Variants in GLCCI1 observed in about 807,000 individuals in gnomAD.
GLCCI1 encodes the protein glucocorticoid induced 1, also known as glucocorticoid-induced transcript 1 protein.
In GLCCI1, 24 loss-of-function variants were observed where a neutral mutation model predicts 52.2. That is an observed-to-expected ratio of 0.46 (90% CI 0.33 to 0.65). The LOEUF is 0.65. Ranked by LOEUF, GLCCI1 falls within the 30% of genes least tolerant of loss-of-function variation. GLCCI1 has a pLI of 0.02. For missense variants in GLCCI1, 704 were observed against 701.5 expected, an observed-to-expected ratio of 1.00 and a Z score of -0.04; for synonymous variants, 310 against 276.5, an observed-to-expected ratio of 1.12 and a Z score of -1.20.
At chr7:7,977,341 C>G (rs1780513313) in intron 1 of GLCCI1, among the ~76,000 whole-genome samples, 1 of 152,182 alleles carries the variant, frequency 6.6e-6, no homozygotes, top group South Asian at 2.1e-4. Flanking sequence ...ATAACTGATT[C>G]TATAAATTTG....
At chr7:8,055,314 T>C (rs770950613) in intron 3 of GLCCI1, 119 bp from the exon 4 acceptor site, 19 of 520,768 alleles carry the variant, frequency 3.6e-5, no homozygotes, top group Non-Finnish European at 5.0e-5. Flanking sequence ...TGGTGAAATA[T>C]TGTCTCTTCT....
At chr7:7,981,822 C>A in intron 1 of GLCCI1, 1 of 422,868 alleles carries the variant, frequency 2.4e-6, no homozygotes, top group Non-Finnish European at 4.7e-6. Flanking sequence ...ATAAAGTAAG[C>A]CCAAATAGGA....
chr7:7,975,774 A>ATG (rs941834282), intron 1 of GLCCI1, among the ~76,000 whole-genome samples: 4 of 152,210 alleles, frequency 2.6e-5, no homozygotes, highest in South Asian at 2.1e-4. Flanking sequence ...GACAGAGAGA[A>ATG]TGTGTGTGTG....
At chr7:8,022,685 G>A in intron 3 of GLCCI1, 116 bp downstream of exon 3, 1 of 445,092 alleles carries the variant, frequency 2.2e-6, no homozygotes, top group Non-Finnish European at 3.8e-6. Context: ...CTTTCAGTAA[G>A]GTTAGGACAA....
intron 1 of GLCCI1, among the ~76,000 whole-genome samples, chr7:7,982,489 T>G (rs1464982454): frequency 1.3e-5 from 2 of 152,166 alleles, no homozygotes; most frequent in Non-Finnish European, 2.9e-5. Context: ...ATTTTTACTC[T>G]TCTTTTAAAA....
intron 2 of GLCCI1, among the ~76,000 whole-genome samples, chr7:8,006,293 G>A (rs989149514): frequency 4.6e-5 from 7 of 152,194 alleles, no homozygotes; most frequent in African/African-American, 9.6e-5. Flanking sequence ...ACCACATTTA[G>A]GGATCAGAGG....
In GLCCI1 at chr7:7,969,359, T is replaced by C. The variant is rs1185383715; in HGVS notation, c.9T>C (p.Thr3=). The change falls in exon 1 of 8, where the codon ACT becomes ACC. Residue 3 remains threonine (T), a synonymous_variant. Transcript: ENST00000223145. This position sits in a 1 kb window ranked among gnomAD's most constrained non-coding sequence, Gnocchi z 4.9. The stretch of plus-strand genomic sequence containing the variant: ...GGGCCCGCAGAGCCACCATGTCCAC[T>C]GCCTCCTCCTCCTCCTCCTCCAGTT... The part of the protein sequence containing the change: MS[T]ASSSSSSSSS... The C allele has an allele frequency of 3.4e-6, 5 of 1,473,600 alleles. No homozygotes were observed. Among genetic ancestry groups the C allele is most frequent in the Admixed American group, 2.0e-5 (1 of 49,116 alleles). 91.3% of individuals were successfully genotyped at this position (1,473,600 alleles called of 1,614,324 possible).
At chr7:8,003,517 C>A (rs1241859529) in intron 1 of GLCCI1, among the ~76,000 whole-genome samples, 1 of 152,048 alleles carries the variant, frequency 6.6e-6, no homozygotes, top group Non-Finnish European at 1.5e-5. Context: ...CAATGACTAA[C>A]CATGGAAATG....
intron 2 of GLCCI1, among the ~76,000 whole-genome samples, chr7:8,010,092 G>A (rs1018468504): frequency 6.6e-6 from 1 of 151,958 alleles, no homozygotes; most frequent in Non-Finnish European, 1.5e-5. Flanking sequence ...AGTTAGATGC[G>A]ATTTTCTTTG....
intron 6 of GLCCI1, among the ~76,000 whole-genome samples, chr7:8,073,985 A>AAAAT (rs1239495251): frequency 6.6e-6 from 1 of 152,234 alleles, no homozygotes; most frequent in Non-Finnish European, 1.5e-5. Flanking sequence ...AGAGAAAATT[A>AAAAT]AAATAGCACC....
intron 3 of GLCCI1, among the ~76,000 whole-genome samples, chr7:8,044,917 T>A (rs928967188): frequency 2.0e-5 from 3 of 152,224 alleles, no homozygotes; most frequent in African/African-American, 4.8e-5. Flanking sequence ...ATGTTGATGC[T>A]TACAGTAAGT....
Position 7,984,299 on chromosome 7 carries a change from A to G in GLCCI1, c.457+14492A>G, listed in dbSNP as rs73049281. Among the ~76,000 whole-genome samples, 394 of 152,238 alleles carry G rather than the reference A, an allele frequency of 2.6e-3. 1 individual carries two copies. Among genetic ancestry groups the G allele is most frequent in the Non-Finnish European group, 4.4e-3 (300 of 68,020 alleles). ...GGTCTTGAACTCCTGGGCTCAAGGA[A>G]TCCTCTCACCTTGGGCTCCCAAACT... is the stretch of plus-strand genomic sequence containing the variant. On this transcript the variant is annotated intron_variant, in intron 1 of 7. Transcript: ENST00000223145.
intron 6 of GLCCI1, among the ~76,000 whole-genome samples, chr7:8,078,954 A>G (rs922214515): frequency 6.6e-6 from 1 of 152,222 alleles, no homozygotes; most frequent in African/African-American, 2.4e-5. Context: ...ATTTTTTTAA[A>G]AAGAGGAAAT....
rs564447167 is a variant in GLCCI1 at position 7,969,700 on chromosome 7, C to A, written c.350C>A (p.Pro117Gln). 7.9e-7 allele frequency: 1 copy of A among 1,263,222 alleles called. No homozygotes were observed. Among genetic ancestry groups the A allele is most frequent in the Non-Finnish European group, 1.0e-6 (1 of 997,510 alleles). 78.3% of individuals were successfully genotyped at this position (1,263,222 alleles called of 1,614,324 possible). Residue 117 changes from proline to glutamine, a missense_variant, in exon 1 of 8, where the codon CCG (proline) becomes CAG (glutamine). Pro to Gln is a moderately conservative substitution (Grantham distance 76). Around this residue, in one of 3 missense-constraint regions of GLCCI1, gnomAD observed 547 missense variants for 524.8 expected, o/e 1.04. Transcript: ENST00000223145. The surrounding 1 kb of genome is among the most constrained non-coding windows in gnomAD (Gnocchi z 4.9). ...CCGACGCCGCCGGCGGCCGCAGCCCCGGCCGAGCAGGCGCCGCGGGCCAAG... is the reference window on the plus strand; with the variant it reads ...CCGACGCCGCCGGCGGCCGCAGCCCAGGCCGAGCAGGCGCCGCGGGCCAAG... The part of the protein sequence containing the change: ...SSPTPPAAAA[P>Q]AEQAPRAKGR...
At chr7:8,027,874 G>T (rs140601938) in intron 3 of GLCCI1, among the ~76,000 whole-genome samples, 2,365 of 152,272 alleles carry the variant, frequency 0.016, 41 homozygotes, top group Middle Eastern at 0.024. Flanking sequence ...AAAAGACAGG[G>T]TCATTGTATA....
At chr7:7,997,440 A>G (rs576656600) in intron 1 of GLCCI1, among the ~76,000 whole-genome samples, 189 of 152,274 alleles carry the variant, frequency 1.2e-3, no homozygotes, top group African/African-American at 4.2e-3. Context: ...GCTATTTTTG[A>G]TCTCAGGTAG....
At chr7:8,006,358 C>G (rs752302109) in intron 2 of GLCCI1, among the ~76,000 whole-genome samples, 27 of 152,054 alleles carry the variant, frequency 1.8e-4, no homozygotes, top group Non-Finnish European at 3.2e-4. Context: ...GGAGACCCTA[C>G]TATTTGAGAG....
At chr7:7,975,860 G>A (rs546253771) in intron 1 of GLCCI1, among the ~76,000 whole-genome samples, 4 of 152,286 alleles carry the variant, frequency 2.6e-5, no homozygotes, top group African/African-American at 9.6e-5. Flanking sequence ...TTGTATCTGG[G>A]CTTTCTTGTG....
intron 6 of GLCCI1, among the ~76,000 whole-genome samples, chr7:8,074,392 G>A (rs1782829837): frequency 6.6e-6 from 1 of 152,058 alleles, no homozygotes; most frequent in Admixed American, 6.6e-5. Context: ...CCAAACTCTG[G>A]GTTTTGCTAT....
Sources: gnomAD v4.1 joint callset for allele counts (sites outside exome capture counted in the v4.1 genomes callset) on GRCh38, gnomAD v4.1.1 for gene constraint, gnomAD v4.1.1 regional missense constraint, Gnocchi (gnomAD v3.1) non-coding constraint, MANE v1.5 for transcripts, NCBI Gene and HGNC (gene_info 2026-07-23, HGNC 2026-07-21) for gene names.